Variants in DLGAP2 observed in about 807,000 individuals in gnomAD.
DLGAP2 encodes the protein DLG associated protein 2.
Under a neutral mutation model 100.3 loss-of-function variants are expected in DLGAP2, and 26 were observed. The observed-to-expected ratio is 0.26, with a 90% CI of 0.19 to 0.36. DLGAP2 has a LOEUF of 0.36. Among genes scored for constraint, DLGAP2 ranks in the 10% least tolerant of loss-of-function variants. The probability of loss-of-function intolerance (pLI) is 1.00; values close to 1 mark genes in which losing one functional copy is unlikely to be tolerated. For synonymous variants in DLGAP2, 886 were observed against 630.1 expected, an observed-to-expected ratio of 1.41 and a Z score of -6.08; for missense variants, 1,858 against 1,453.2, an observed-to-expected ratio of 1.28 and a Z score of -4.53.
intron 2 of DLGAP2, among the ~76,000 whole-genome samples, chr8:1,042,294 A>T (rs1802376664): frequency 6.6e-6 from 1 of 152,236 alleles, no homozygotes; most frequent in African/African-American, 2.4e-5. Flanking sequence ...TCCCAAGATC[A>T]TGATCCATGA....
rs532911004 is a variant in DLGAP2 at position 989,219 on chromosome 8, C to T, written c.73+81253C>T. 9.2e-5 allele frequency among the ~76,000 whole-genome samples: 14 copies of T among 152,278 alleles called. No homozygotes were observed. The South Asian group carries it at 2.9e-3, about 32-fold the overall frequency. On this transcript the variant is annotated intron_variant, in intron 2 of 14. Transcript: ENST00000637795. ...TCCCGCATGCCACATCAGGGCCCAG[C>T]AGTGCTCCCCCGGAGTCCCTCTGGG...
intron 4 of DLGAP2, among the ~76,000 whole-genome samples, chr8:1,542,207 T>C (rs1801385177): frequency 1.3e-5 from 2 of 152,370 alleles, no homozygotes; most frequent in African/African-American, 2.4e-5. Flanking sequence ...TGTGTATGTC[T>C]TCCTTCATCA....
intron 6 of DLGAP2, among the ~76,000 whole-genome samples, chr8:1,571,691 G>T (rs1434362367): frequency 2.8e-5 from 4 of 140,888 alleles, no homozygotes; most frequent in African/African-American, 1.1e-4. Context: ...GGCATCTTCT[G>T]GGATGGAGAG....
chr8:1,161,757 T>C (rs1796894255), intron 2 of DLGAP2, among the ~76,000 whole-genome samples: 1 of 151,174 alleles, frequency 6.6e-6, no homozygotes, highest in Non-Finnish European at 1.5e-5. Flanking sequence ...AGATGAAGCC[T>C]CCCCCGGGTG....
At chr8:1,122,823 C>G (rs981574745) in intron 2 of DLGAP2, among the ~76,000 whole-genome samples, 5 of 150,992 alleles carry the variant, frequency 3.3e-5, no homozygotes, top group Non-Finnish European at 7.4e-5. Flanking sequence ...AATACCATTT[C>G]TCTCATTTCT....
chr8:878,023 G>C (rs1797717809), intron 1 of DLGAP2, among the ~76,000 whole-genome samples: 1 of 152,176 alleles, frequency 6.6e-6, no homozygotes, highest in African/African-American at 2.4e-5. Flanking sequence ...TTCATTTGCT[G>C]TTTGCCAATG....
At chr8:1,318,324 C>G (rs1333799430) in intron 3 of DLGAP2, among the ~76,000 whole-genome samples, 2 of 152,066 alleles carry the variant, frequency 1.3e-5, no homozygotes, top group Non-Finnish European at 2.9e-5. Context: ...ATAGCTTTAT[C>G]AGTTCAGCTT....
chr8:1,095,375 C>G (rs1015471389), intron 2 of DLGAP2, among the ~76,000 whole-genome samples: 20 of 152,218 alleles, frequency 1.3e-4, no homozygotes, highest in African/African-American at 4.8e-4. Flanking sequence ...CCCCTGTCCG[C>G]AGCAGACCCC....
intron 3 of DLGAP2, among the ~76,000 whole-genome samples, chr8:1,410,177 T>C (rs6558465): frequency 0.98 from 149,667 of 152,256 alleles, 73,589 homozygotes; most frequent in East Asian, 1. Context: ...CTGAGGAGAC[T>C]GCAAGCTTCG....
At chr8:1,178,953 C>T (rs572092059) in intron 2 of DLGAP2, among the ~76,000 whole-genome samples, 25 of 152,016 alleles carry the variant, frequency 1.6e-4, no homozygotes, top group African/African-American at 4.6e-4. Context: ...GGGCCCACGC[C>T]GCCCTGGTCT....
At chr8:905,387 C>T (rs1798356858) in intron 1 of DLGAP2, among the ~76,000 whole-genome samples, 1 of 152,124 alleles carries the variant, frequency 6.6e-6, no homozygotes, top group African/African-American at 2.4e-5. Flanking sequence ...CCCGGGAACC[C>T]CATGACTGGC....
intron 3 of DLGAP2, among the ~76,000 whole-genome samples, chr8:1,416,460 A>C (rs940356511): frequency 6.6e-6 from 1 of 152,216 alleles, no homozygotes; most frequent in South Asian, 2.1e-4. Context: ...AGAACAGTCC[A>C]TCAGGCGGAG....
At chr8:1,221,688 A>T (rs1478395997) in intron 2 of DLGAP2, among the ~76,000 whole-genome samples, 1 of 151,870 alleles carries the variant, frequency 6.6e-6, no homozygotes, top group African/African-American at 2.4e-5. Context: ...TCTCAAATAT[A>T]TTTTCCGAGT....
At chr8:1,321,129 G>A (rs1800889715) in intron 3 of DLGAP2, among the ~76,000 whole-genome samples, 1 of 151,968 alleles carries the variant, frequency 6.6e-6, no homozygotes, top group Non-Finnish European at 1.5e-5. Flanking sequence ...GTGCATCCAT[G>A]TGTCTCTGCA....
chr8:1,060,210 T>A (rs1384602960), intron 2 of DLGAP2, among the ~76,000 whole-genome samples: 5 of 152,150 alleles, frequency 3.3e-5, no homozygotes, highest in Non-Finnish European at 5.9e-5. Context: ...ACTGGGTGGC[T>A]GAAGGTAACA....
intron 1 of DLGAP2, among the ~76,000 whole-genome samples, chr8:893,527 G>A (rs1461601371): frequency 6.6e-6 from 1 of 152,218 alleles, no homozygotes; most frequent in East Asian, 1.9e-4. Flanking sequence ...AGGGGAGGGT[G>A]GGGTTAGAGC....
chr8:1,137,623 A>T (rs536664586), intron 2 of DLGAP2: 1 of 152,244 alleles, frequency 6.6e-6, no homozygotes, highest in Non-Finnish European at 1.5e-5. Context: ...TCTAGTATTC[A>T]CAGCCCGGGT....
chr8:1,346,504 A>G (rs1300095941), intron 3 of DLGAP2, among the ~76,000 whole-genome samples: 107 of 111,560 alleles, frequency 9.6e-4, no homozygotes, highest in Middle Eastern at 0.016. Context: ...TGCTCTCATG[A>G]TAGCTGTGTG....
At chr8:1,185,165 C>T (rs1047097839) in intron 2 of DLGAP2, among the ~76,000 whole-genome samples, 2 of 152,092 alleles carry the variant, frequency 1.3e-5, no homozygotes, top group Admixed American at 1.3e-4. Flanking sequence ...ACGTGCCGGG[C>T]GAATGCTGTT....
Sources: allele counts gnomAD v4.1 joint callset (sites outside exome capture counted in the v4.1 genomes callset), GRCh38; gene constraint gnomAD v4.1.1; transcripts MANE v1.5; gene names NCBI Gene and HGNC (gene_info 2026-07-23, HGNC 2026-07-21).